Variants in HOOK3 observed in about 807,000 individuals in gnomAD.
HOOK3 encodes the protein hook microtubule tethering protein 3.
Under a neutral mutation model 116.3 loss-of-function variants are expected in HOOK3, and 24 were observed. The ratio of observed to expected loss-of-function variants is 0.21; its 90% confidence interval spans 0.15 to 0.29. HOOK3 has a LOEUF of 0.29. Ranked by LOEUF, HOOK3 falls within the 10% of genes least tolerant of loss-of-function variation. The pLI, the probability that HOOK3 is intolerant of heterozygous loss-of-function variation, is 1.00. For missense variants in HOOK3, 632 were observed against 830.2 expected (o/e 0.76, Z 2.93); for synonymous variants, 275 against 283.0 (o/e 0.97, Z 0.28).
intron 4 of HOOK3, among the ~76,000 whole-genome samples, chr8:42,933,955 C>CTT (rs1306812239): frequency 1.3e-5 from 2 of 151,970 alleles, no homozygotes; most frequent in Non-Finnish European, 2.9e-5. Flanking sequence ...TTTTGTTGTT[C>CTT]TTTTCTTTTG....
intron 2 of HOOK3, among the ~76,000 whole-genome samples, chr8:42,918,655 T>C (rs1807579503): frequency 6.6e-6 from 1 of 152,164 alleles, no homozygotes. Context: ...CCTTCAAGCA[T>C]CTGTTTAACA....
At chr8:42,976,041 T>TGTGC in intron 13 of HOOK3, among the ~76,000 whole-genome samples, 1 of 87,110 alleles carries the variant, frequency 1.1e-5, no homozygotes, top group South Asian at 3.7e-4. Flanking sequence ...TATATATATA[T>TGTGC]GTGTGTGTGT....
chr8:42,952,873 G>A (rs62515944), intron 6 of HOOK3, among the ~76,000 whole-genome samples: 2,689 of 152,270 alleles, frequency 0.018, 41 homozygotes, highest in Middle Eastern at 0.037. Context: ...GTGGTCCTGG[G>A]TTGGTGTGGA....
At chr8:42,902,563 C>T (rs886072797) in intron 1 of HOOK3, among the ~76,000 whole-genome samples, 20 of 152,150 alleles carry the variant, frequency 1.3e-4, no homozygotes, top group African/African-American at 4.3e-4. Context: ...TAAGCCACCA[C>T]GCCCTGCCAA....
At chr8:42,911,893 T>C (rs1322873904) in intron 2 of HOOK3, among the ~76,000 whole-genome samples, 6 of 152,158 alleles carry the variant, frequency 3.9e-5, no homozygotes, top group Non-Finnish European at 2.9e-5. Flanking sequence ...CCGAGTGGTA[T>C]TGAAAAATCA....
chr8:42,999,589 T>TC, intron 16 of HOOK3, among the ~76,000 whole-genome samples: 1 of 152,198 alleles, frequency 6.6e-6, no homozygotes, highest in Admixed American at 6.5e-5. Flanking sequence ...AAGGAAGTGG[T>TC]CCCCTCTGGA....
intron 19 of HOOK3, 69 bp downstream of exon 19, chr8:43,010,474 T>C (rs1809583876): frequency 2.2e-6 from 1 of 448,554 alleles, no homozygotes; most frequent in African/African-American, 2.1e-5. Flanking sequence ...TCAAATATAA[T>C]GGACGGACAC....
chr8:42,920,737 C>CT (rs1446818590), intron 2 of HOOK3, among the ~76,000 whole-genome samples: 2 of 152,212 alleles, frequency 1.3e-5, no homozygotes, highest in Non-Finnish European at 2.9e-5. Flanking sequence ...ACTGTCAACT[C>CT]TGACAGTTAA....
At chr8:42,965,220 G>T (rs1334213232) in intron 9 of HOOK3, among the ~76,000 whole-genome samples, 1 of 152,220 alleles carries the variant, frequency 6.6e-6, no homozygotes, top group Non-Finnish European at 1.5e-5. Flanking sequence ...CCACAGATTA[G>T]GGATTTCAAA....
intron 2 of HOOK3, 59 bp from the exon 3 acceptor site, chr8:42,925,498 T>G: frequency 8.7e-7 from 1 of 1,146,014 alleles, no homozygotes; most frequent in South Asian, 1.4e-5. Context: ...GATTCAATTT[T>G]CTTTGTTTAG....
rs547448376 is a variant in HOOK3, at chr8:42,937,019, C to G, written c.268-6294C>G. On this transcript the variant is annotated intron_variant, in intron 4 of 21. Coordinates refer to ENST00000307602, the MANE Select transcript of HOOK3 (RefSeq NM_032410.4). ...AATTCAGCTGTGAATCCATCTGGTC[C>G]TGGGCTTTTTTTGGTTGGTAAGGTA... is the stretch of plus-strand genomic sequence containing the variant. 1.7e-4 allele frequency among the ~76,000 whole-genome samples: 26 copies of G among 152,206 alleles called. 1 individual carries two copies. The highest frequency in any genetic ancestry group is 6.3e-4 in the African/African-American group (26 of 41,538).
intron 2 of HOOK3, among the ~76,000 whole-genome samples, chr8:42,925,054 G>A (rs1807736745): frequency 6.6e-6 from 1 of 151,960 alleles, no homozygotes; most frequent in Non-Finnish European, 1.5e-5. Context: ...TGCAATTATG[G>A]TAGATTCTTG....
At chr8:42,942,539 A>C (rs1808148528) in intron 4 of HOOK3, among the ~76,000 whole-genome samples, 1 of 152,112 alleles carries the variant, frequency 6.6e-6, no homozygotes, top group African/African-American at 2.4e-5. Flanking sequence ...GTTTGTGTTG[A>C]TAGTTTTACC....
intron 2 of HOOK3, among the ~76,000 whole-genome samples, chr8:42,918,884 C>A (rs978403378): frequency 1.3e-5 from 2 of 152,208 alleles, no homozygotes; most frequent in Non-Finnish European, 2.9e-5. Context: ...CTTTTCTATT[C>A]GACAAAACCG....
At chr8:42,919,547 C>T (rs1245524792) in intron 2 of HOOK3, among the ~76,000 whole-genome samples, 5 of 151,928 alleles carry the variant, frequency 3.3e-5, no homozygotes, top group East Asian at 1.9e-4. Flanking sequence ...GGGTGGCGGC[C>T]GGGCAGAGGC....
In HOOK3 at chr8:42,906,161, T is replaced by G; in HGVS notation, c.58-12T>G. 1 of 747,434 alleles carries G rather than the reference T, an allele frequency of 1.3e-6. No homozygotes were observed. The highest frequency in any genetic ancestry group is 2.2e-6 in the Non-Finnish European group (1 of 458,612). 46.3% of individuals were successfully genotyped at this position (747,434 alleles called of 1,614,324 possible). A position where few individuals can be genotyped will look rare whatever the true frequency, so the allele number is the denominator to read the frequency against. On this transcript the variant is annotated splice_polypyrimidine_tract_variant and intron_variant, in intron 1 of 21. Transcript: ENST00000307602. ...CAGAATCTCTCCCCCCCCCCTCTTT[T>G]TTTCCCTTCAGATCCAGACATTTAA...
chr8:42,975,416 G>A (rs747940665), intron 13 of HOOK3, among the ~76,000 whole-genome samples: 1 of 152,182 alleles, frequency 6.6e-6, no homozygotes, highest in Non-Finnish European at 1.5e-5. Context: ...TATTAGTAGA[G>A]CTGGAGATAC....
At chr8:42,930,239 CAAGTT>C in intron 4 of HOOK3, 67 bp downstream of exon 4, 6 of 1,319,470 alleles carry the variant, frequency 4.5e-6, no homozygotes, top group Non-Finnish European at 6.1e-6. Flanking sequence ...ATAATAGTTT[CAAGTT>C]AAGGAAAAAT....
At chr8:42,983,117 A>C (rs1030567126) in intron 14 of HOOK3, among the ~76,000 whole-genome samples, 2 of 152,000 alleles carry the variant, frequency 1.3e-5, no homozygotes, top group Non-Finnish European at 2.9e-5. Context: ...GGTGGATCAC[A>C]AGGTCAGGAG....
Sources: gnomAD v4.1 joint callset for allele counts (sites outside exome capture counted in the v4.1 genomes callset) on GRCh38, gnomAD v4.1.1 for gene constraint, MANE v1.5 for transcripts, NCBI Gene and HGNC (gene_info 2026-07-23, HGNC 2026-07-21) for gene names.